The following TRPM1 variants were observed in gnomAD, a reference collection of about 807,000 sequenced individuals.
TRPM1 encodes the protein transient receptor potential cation channel subfamily M member 1.
TRPM1 carries 113 observed loss-of-function variants against 149.4 expected under a neutral mutation model. That is an observed-to-expected ratio of 0.76 (90% CI 0.65 to 0.88). The LOEUF (loss-of-function observed/expected upper bound fraction) is 0.88. Among genes scored for constraint, TRPM1 ranks in the 40% least tolerant of loss-of-function variants. The probability of loss-of-function intolerance (pLI) is 0.00; values close to 1 mark genes in which losing one functional copy is unlikely to be tolerated. For synonymous variants in TRPM1, 741 were observed against 759.5 expected (o/e 0.98, Z 0.40); for missense variants, 1,976 against 2,038.7 (o/e 0.97, Z 0.59).
intron 1 of TRPM1, among the ~76,000 whole-genome samples, chr15:31,089,791 T>C (rs532703759): frequency 7.9e-5 from 12 of 152,148 alleles, no homozygotes; most frequent in Non-Finnish European, 1.2e-4. Flanking sequence ...GTCCCCAAAG[T>C]GCATAAGCTT....
upstream of TRPM1, among the ~76,000 whole-genome samples, chr15:31,105,218 G>A (rs936047450): frequency 6.6e-5 from 10 of 152,218 alleles, no homozygotes; most frequent in Non-Finnish European, 1.2e-4. Flanking sequence ...TCCTTCTGAC[G>A]CCACCCCAGG....
At chr15:31,146,677 GA>G (rs1387138173) in intron 1 of TRPM1, among the ~76,000 whole-genome samples, 5 of 152,172 alleles carry the variant, frequency 3.3e-5, no homozygotes, top group African/African-American at 1.2e-4. Context: ...GCATTACAAG[GA>G]AAGTAACTTT....
Position 31,026,903 on chromosome 15 carries a change from C to T in TRPM1, c.3496+12G>A. 6.2e-7 allele frequency: 1 copy of T among 1,612,708 alleles called. No homozygotes were observed. On this transcript the variant is annotated intron_variant, in intron 26 of 27. Coordinates refer to ENST00000256552, the MANE Select transcript of TRPM1 (RefSeq NM_001252024.2). ...ATCAGCCCAACTTAGAAATGAAGAG[C>T]CCTGCACATACTCAATCCACGATCC...
At chr15:31,048,519 C>T (rs942787395) in intron 13 of TRPM1, among the ~76,000 whole-genome samples, 5 of 152,036 alleles carry the variant, frequency 3.3e-5, no homozygotes, top group African/African-American at 1.2e-4. Flanking sequence ...TCAAGTTGGC[C>T]AGAATCAGTG....
intron 27 of TRPM1, among the ~76,000 whole-genome samples, chr15:31,006,791 T>A (rs2032005547): frequency 1.3e-5 from 2 of 152,338 alleles, no homozygotes; most frequent in Non-Finnish European, 2.9e-5. Flanking sequence ...TTGTTATTTT[T>A]AATTTTTTTT....
At chr15:31,017,404 A>T (rs950631652) in intron 27 of TRPM1, among the ~76,000 whole-genome samples, 1 of 152,202 alleles carries the variant, frequency 6.6e-6, no homozygotes, top group African/African-American at 2.4e-5. Context: ...TTTGAGAAAA[A>T]ACAAAAGCTG....
At chr15:31,045,906 G>A (rs2033748353) in intron 16 of TRPM1, among the ~76,000 whole-genome samples, 1 of 151,954 alleles carries the variant, frequency 6.6e-6, no homozygotes, top group Non-Finnish European at 1.5e-5. Flanking sequence ...AATTCTTTTT[G>A]GTGTTATTTT....
intron 1 of TRPM1, among the ~76,000 whole-genome samples, chr15:31,106,742 AG>A (rs942001868): frequency 6.6e-6 from 1 of 152,230 alleles, no homozygotes; most frequent in African/African-American, 2.4e-5. Flanking sequence ...AGCAACAAAA[AG>A]TCTTGCCACA....
intron 20 of TRPM1, chr15:31,035,878 A>T: frequency 1.5e-6 from 1 of 667,728 alleles, no homozygotes; most frequent in South Asian, 1.8e-5. Context: ...ATACTTCAGC[A>T]CGATATGGGC....
At chr15:31,150,221 G>A (rs1005752649) in intron 1 of TRPM1, among the ~76,000 whole-genome samples, 2 of 152,204 alleles carry the variant, frequency 1.3e-5, no homozygotes, top group African/African-American at 4.8e-5. Flanking sequence ...CTTTCCTGCA[G>A]GACTTATCAG....
chr15:31,088,297 C>T (rs1055591404), intron 1 of TRPM1, among the ~76,000 whole-genome samples: 2 of 152,226 alleles, frequency 1.3e-5, no homozygotes, highest in African/African-American at 4.8e-5. Flanking sequence ...AAAAGCTGGT[C>T]ACCAGCGCCA....
intron 27 of TRPM1, among the ~76,000 whole-genome samples, chr15:31,017,338 T>C (rs944710842): frequency 1.3e-5 from 2 of 152,000 alleles, no homozygotes; most frequent in African/African-American, 4.8e-5. Context: ...GAGTAAAAGA[T>C]TGTACCAGAT....
intron 3 of TRPM1, among the ~76,000 whole-genome samples, chr15:31,074,922 T>G (rs1316940748): frequency 6.6e-6 from 1 of 152,222 alleles, no homozygotes; most frequent in Non-Finnish European, 1.5e-5. Flanking sequence ...TCTGACATTT[T>G]CTTTAACCTA....
rs770197134 is a variant in TRPM1, at chr15:31,049,431, C to T, written c.1516G>A (p.Gly506Arg). The change falls in exon 13 of 28, where the codon GGA (glycine) becomes AGA (arginine). Residue 506 changes from glycine to arginine, a missense_variant. By Grantham distance (125) the Gly-to-Arg change is moderately radical (BLOSUM62 -2). Coordinates refer to ENST00000256552, the MANE Select transcript of TRPM1 (RefSeq NM_001252024.2). Reference protein sequence around the residue: ...VDFVKLLIENGVNMQHFLTIP... With the variant: ...VDFVKLLIENRVNMQHFLTIP... The stretch of plus-strand genomic sequence containing the variant: ...GTCAGAAAGTGTTGCATGTTCACTC[C>T]GTTTTCAATCAGGAGCTTCACAAAG... 1.2e-5 allele frequency: 20 copies of T among 1,614,038 alleles called. No homozygotes were observed. The highest frequency in any genetic ancestry group is 1.5e-5 in the Non-Finnish European group (18 of 1,180,044).
chr15:31,031,311 G>A (rs2033068165), intron 22 of TRPM1, 154 bp from the exon 23 acceptor site: 8 of 785,140 alleles, frequency 1.0e-5, no homozygotes, highest in Non-Finnish European at 1.7e-5. Flanking sequence ...TCCCTGGGAA[G>A]GCTTTTTCCT....
intron 1 of TRPM1, among the ~76,000 whole-genome samples, chr15:31,089,111 T>G (rs1307866712): frequency 1.3e-5 from 2 of 152,094 alleles, no homozygotes; most frequent in Admixed American, 6.5e-5. Context: ...TACAGAAAAT[T>G]CGTGATGAAT....
intron 1 of TRPM1, among the ~76,000 whole-genome samples, chr15:31,120,127 CT>C (rs941754631): frequency 3.3e-5 from 5 of 151,214 alleles, no homozygotes; most frequent in African/African-American, 1.2e-4. Flanking sequence ...TTTCTTTTTT[CT>C]TTTTTTTACC....
At chr15:31,024,893 G>A (rs2032669158) in intron 27 of TRPM1, among the ~76,000 whole-genome samples, 1 of 152,308 alleles carries the variant, frequency 6.6e-6, no homozygotes, top group African/African-American at 2.4e-5. Context: ...AAGGAAGAAA[G>A]GTGGTGCAGG....
intron 8 of TRPM1, 124 bp from the exon 9 acceptor site, chr15:31,062,826 A>G: frequency 1.7e-6 from 2 of 1,166,822 alleles, no homozygotes; most frequent in South Asian, 2.6e-5. Flanking sequence ...ACAGGAGACA[A>G]AAAGTAACCA....
Sources: gnomAD v4.1 joint callset for allele counts (sites outside exome capture counted in the v4.1 genomes callset) on GRCh38, gnomAD v4.1.1 for gene constraint, MANE v1.5 for transcripts, NCBI Gene and HGNC (gene_info 2026-07-23, HGNC 2026-07-21) for gene names.